The following CCDC68 variants were observed in gnomAD, a reference collection of about 807,000 sequenced individuals.
The protein encoded by CCDC68 is coiled-coil domain-containing protein 68.
CCDC68 carries 45 observed loss-of-function variants against 47.1 expected under a neutral mutation model. The ratio of observed to expected loss-of-function variants is 0.96; its 90% CI spans 0.75 to 1.23. The LOEUF (loss-of-function observed/expected upper bound fraction) is 1.23. Ranked by LOEUF, CCDC68 falls within the 50% of genes most tolerant of loss-of-function variation. The probability of loss-of-function intolerance (pLI) is 0.00; values close to 1 mark genes in which losing one functional copy is unlikely to be tolerated. For synonymous variants in CCDC68, 131 were observed against 129.5 expected (o/e 1.01, Z -0.08); for missense variants, 353 against 373.6 (o/e 0.94, Z 0.45).
chr18:54,950,880 AC>A (rs2044604725), intron 1 of CCDC68, among the ~76,000 whole-genome samples: 1 of 122,602 alleles, frequency 8.2e-6, no homozygotes, highest in Non-Finnish European at 1.7e-5. Flanking sequence ...AATTAGGTTG[AC>A]CCCAAATTCA....
intron 4 of CCDC68, among the ~76,000 whole-genome samples, chr18:54,938,468 T>C (rs1230911811): frequency 6.6e-6 from 1 of 152,258 alleles, no homozygotes; most frequent in African/African-American, 2.4e-5. Flanking sequence ...AGACTAATAC[T>C]GTCAGACCTA....
intron 3 of CCDC68, 106 bp downstream of exon 3, chr18:54,942,569 T>C: frequency 1.5e-6 from 1 of 664,096 alleles, no homozygotes; most frequent in Non-Finnish European, 2.6e-6. Flanking sequence ...ACTAGGGTTG[T>C]TCCTTTACAT....
At chr18:54,915,658 G>A (rs1469124984) in intron 10 of CCDC68, among the ~76,000 whole-genome samples, 1 of 152,196 alleles carries the variant, frequency 6.6e-6, no homozygotes, top group Non-Finnish European at 1.5e-5. Flanking sequence ...GCCAGGCATG[G>A]TGGCTCATGT....
At chr18:54,929,071 A>G (rs1054906309) in intron 7 of CCDC68, among the ~76,000 whole-genome samples, 189 bp from the exon 8 acceptor site, 4 of 152,190 alleles carry the variant, frequency 2.6e-5, no homozygotes, top group African/African-American at 9.7e-5. Flanking sequence ...CTATAGGCCA[A>G]AAATAGTTGT....
intron 1 of CCDC68, among the ~76,000 whole-genome samples, chr18:54,949,337 T>C (rs1271139193): frequency 1.3e-5 from 2 of 152,198 alleles, no homozygotes; most frequent in African/African-American, 4.8e-5. Context: ...CATAGCAAAG[T>C]CTACCATTTT....
intron 9 of CCDC68, 106 bp from the exon 10 acceptor site, chr18:54,918,102 T>A: frequency 6.7e-6 from 4 of 597,020 alleles, no homozygotes; most frequent in Non-Finnish European, 8.6e-6. Context: ...GTTCATCAAA[T>A]TAAAAAAAAA....
intron 11 of CCDC68, among the ~76,000 whole-genome samples, chr18:54,907,583 A>T (rs1216775489): frequency 6.6e-6 from 1 of 152,218 alleles, no homozygotes; most frequent in Non-Finnish European, 1.5e-5. Flanking sequence ...TTTGTTCATT[A>T]ATTTATTTAG....
At chr18:54,955,760 C>T (rs190112012) in intron 1 of CCDC68, among the ~76,000 whole-genome samples, 159 of 152,288 alleles carry the variant, frequency 1.0e-3, no homozygotes, top group African/African-American at 3.8e-3. Flanking sequence ...CTCTGTTGCC[C>T]AGGCTGGAGT....
intron 7 of CCDC68, among the ~76,000 whole-genome samples, chr18:54,932,688 T>C (rs1230925922): frequency 6.6e-6 from 1 of 152,166 alleles, no homozygotes; most frequent in Non-Finnish European, 1.5e-5. Flanking sequence ...GACAGCCCAC[T>C]GTTGCGAGTT....
rs771395470 is a variant in CCDC68, at chr18:54,941,048, C to T, written c.153G>A (p.Met51Ile). ...RTTLQKIRTQ[M>I]FKDEIRHDST... ...TGTCATGTCTTATTTCATCTTTAAA[C>T]ATCTGGGTCCTGATCTTTTGCAGAG... Residue 51 changes from methionine (M) to isoleucine (I), a missense_variant, in exon 4 of 12, where the codon ATG becomes ATA. Physicochemically the swap from Met to Ile is conservative, Grantham distance 10. Transcript: ENST00000591504. The T allele has an allele frequency of 3.7e-6, 6 of 1,612,520 alleles. No individual in the cohort carries two copies. The highest frequency in any genetic ancestry group is 3.3e-5 in the South Asian group (3 of 91,020).
At chr18:54,931,955 G>A (rs1246934591) in intron 7 of CCDC68, among the ~76,000 whole-genome samples, 1 of 152,060 alleles carries the variant, frequency 6.6e-6, no homozygotes, top group Non-Finnish European at 1.5e-5. Flanking sequence ...ACCTTTGTGA[G>A]GATGTTTGTT....
intron 7 of CCDC68, among the ~76,000 whole-genome samples, chr18:54,933,408 AC>A (rs1451216727): frequency 2.6e-5 from 4 of 152,274 alleles, no homozygotes; most frequent in African/African-American, 9.6e-5. Context: ...GGGGGCAGTG[AC>A]GGTTGCCACT....
At chr18:54,939,308 G>T (rs2044399034) in intron 4 of CCDC68, among the ~76,000 whole-genome samples, 1 of 152,050 alleles carries the variant, frequency 6.6e-6, no homozygotes, top group Non-Finnish European at 1.5e-5. Context: ...CTTGAAGAAG[G>T]CAGATTATCA....
intron 8 of CCDC68, among the ~76,000 whole-genome samples, chr18:54,926,707 A>C (rs1050416480): frequency 3.3e-4 from 50 of 152,346 alleles, no homozygotes; most frequent in African/African-American, 1.1e-3. Context: ...AGATCTTCAG[A>C]GGTTTCTAGA....
rs2044358312 is a variant in CCDC68 at position 54,936,892 on chromosome 18, A to G, written c.412T>C (p.Tyr138His). The G allele has an allele frequency of 1.4e-5, 22 of 1,614,120 alleles. No homozygotes were observed. The highest frequency in any genetic ancestry group is 2.2e-5 in the East Asian group (1 of 44,878). The change falls in exon 6 of 12, where the codon TAC becomes CAC. Residue 138 changes from tyrosine to histidine, a missense_variant. Coordinates refer to ENST00000591504, the MANE Select transcript of CCDC68 (RefSeq NM_025214.3). ...RNVAQRLFEN[Y>H]QTQSEEVRKK... is the part of the protein sequence containing the mutation. Reference sequence around the variant, plus strand: ...CTCACTTCTTCAGATTGCGTTTGGTAGTTTTCAAATAATCTCTGGGCCACG... The same window carrying G: ...CTCACTTCTTCAGATTGCGTTTGGTGGTTTTCAAATAATCTCTGGGCCACG...
chr18:54,908,621 T>C (rs955052132), intron 10 of CCDC68, among the ~76,000 whole-genome samples: 9 of 152,132 alleles, frequency 5.9e-5, no homozygotes, highest in African/African-American at 2.2e-4. Flanking sequence ...AATAACGCCT[T>C]CTCCACAGAT....
intron 2 of CCDC68, among the ~76,000 whole-genome samples, chr18:54,944,698 G>C (rs2044497122): frequency 6.6e-6 from 1 of 152,126 alleles, no homozygotes; most frequent in African/African-American, 2.4e-5. Flanking sequence ...TAGTTGATGA[G>C]GGAAAGTTTA....
Position 54,919,155 on chromosome 18 carries a change from A to G in CCDC68, c.789+116T>C, listed in dbSNP as rs992905538. On this transcript the variant is annotated intron_variant, in intron 9 of 11. Coordinates refer to ENST00000591504, the MANE Select transcript of CCDC68 (RefSeq NM_025214.3). ...CATATTGCATGAGAAACAAAAAAGGATATGTCAGTAGGGAGAGAAATCTCA... is the reference window on the plus strand; with the variant it reads ...CATATTGCATGAGAAACAAAAAAGGGTATGTCAGTAGGGAGAGAAATCTCA... 64 of 758,082 alleles carry G rather than the reference A, an allele frequency of 8.4e-5. 1 individual carries two copies. Among genetic ancestry groups the G allele is most frequent in the East Asian group, 2.0e-4 (8 of 40,406 alleles). 47.0% of individuals were successfully genotyped at this position (758,082 alleles called of 1,614,324 possible).
chr18:54,914,990 A>G (rs185096331), intron 10 of CCDC68, among the ~76,000 whole-genome samples: 79 of 152,350 alleles, frequency 5.2e-4, no homozygotes, highest in Middle Eastern at 3.4e-3. Context: ...ACTAAAGAAC[A>G]CAAAATTGAA....
Sources: gnomAD v4.1 joint callset for allele counts (sites outside exome capture counted in the v4.1 genomes callset) on GRCh38, gnomAD v4.1.1 for gene constraint, MANE v1.5 for transcripts, NCBI Gene and HGNC (gene_info 2026-07-23, HGNC 2026-07-21) for gene names.